Variants in RFC4 observed in about 807,000 individuals in gnomAD.
RFC4 encodes the protein A1 37 kDa subunit.
Under a neutral mutation model 47.6 loss-of-function variants are expected in RFC4, and 38 were observed. The observed-to-expected ratio is 0.80, with a 90% CI of 0.62 to 1.05. RFC4 has a LOEUF of 1.05. Among genes scored for constraint, RFC4 ranks in the 50% least tolerant of loss-of-function variants. The pLI is 0.00. For synonymous variants in RFC4, 164 were observed against 150.0 expected (o/e 1.09, Z -0.68); for missense variants, 489 against 434.0 (o/e 1.13, Z -1.13).
At chr3:186,805,004 C>A in intron 1 of RFC4, 1 of 265,958 alleles carries the variant, frequency 3.8e-6, no homozygotes, top group Non-Finnish European at 7.1e-6. Flanking sequence ...GAACAAAGAT[C>A]ATATGTCACA....
intron 7 of RFC4, 76 bp from the exon 8 acceptor site, chr3:186,791,926 A>G (rs1298740157): frequency 8.4e-6 from 11 of 1,306,804 alleles, no homozygotes; most frequent in South Asian, 2.8e-5. Context: ...AATGTTTAAT[A>G]AAAGTGAAAA....
Position 186,804,694 on chromosome 3 carries a change from C to A in RFC4, c.20G>T (p.Gly7Val), listed in dbSNP as rs1397240865. ...CGGGGGTTTAGTACTGATGGATGTACCTTTAAGAAATGCTTGCATGGTACT... is the reference window on the plus strand; with the variant it reads ...CGGGGGTTTAGTACTGATGGATGTAACTTTAAGAAATGCTTGCATGGTACT... MQAFLK[G>V]TSISTKPPLT... Residue 7 changes from glycine to valine, a missense_variant, in exon 2 of 11, where the codon GGT (glycine) becomes GTT (valine). Physicochemically the swap from Gly to Val is moderately radical, Grantham distance 109. This residue lies in a region of RFC4 where 206 missense variants were observed against 257.8 expected (regional missense o/e 0.80). Transcript: ENST00000296273. The A allele has an allele frequency of 6.2e-7, 1 of 1,613,138 alleles. No homozygotes were observed. The highest frequency in any genetic ancestry group is 2.2e-5 in the East Asian group (1 of 44,868).
chr3:186,801,122 C>T lies in RFC4; in HGVS notation c.205G>A (p.Ala69Thr), dbSNP rs201686899. The change falls in exon 3 of 11, where the codon GCA (alanine) becomes ACA (threonine). Residue 69 changes from alanine (A) to threonine (T), a missense_variant. Ala to Thr is a moderately conservative substitution (Grantham distance 58). Transcript: ENST00000296273. ...VAVLKKSLEG[A>T]DLPNLLFYGP... ...AAACACCATTTGCAACTCACATCTG[C>T]TCCTTCTAAAGATTTTTTCAGCACT... is the stretch of plus-strand genomic sequence containing the variant. The T allele has an allele frequency of 1.4e-5, 23 of 1,612,412 alleles. No individual in the cohort carries two copies. Among genetic ancestry groups the T allele is most frequent in the African/African-American group, 9.3e-5 (7 of 74,900 alleles).
intron 8 of RFC4, among the ~76,000 whole-genome samples, chr3:186,790,905 C>T (rs543685349): frequency 2.0e-5 from 3 of 149,470 alleles, no homozygotes; most frequent in African/African-American, 4.9e-5. Flanking sequence ...AGGTGAAAAA[C>T]GTCATAGAAA....
rs1323127199 is a variant in RFC4 at position 186,793,701 on chromosome 3, C to T, written c.411-754G>A. Among the ~76,000 whole-genome samples the T allele has an allele frequency of 2.7e-5, 4 of 150,602 alleles. No individual in the cohort carries two copies. Among genetic ancestry groups the T allele is most frequent in the Non-Finnish European group, 5.9e-5 (4 of 67,818 alleles). On this transcript the variant is annotated intron_variant, in intron 5 of 10. Coordinates refer to ENST00000296273, the MANE Select transcript of RFC4 (RefSeq NM_002916.5). The surrounding 1 kb of genome is among the most constrained non-coding windows in gnomAD (Gnocchi z 4.2). ...TTTTAATGTGCTTATTACACATGCA[C>T]GAAATGTCTATGCAGATCCTTTGCC...
intron 2 of RFC4, 128 bp downstream of exon 2, chr3:186,804,455 T>A: frequency 1.1e-6 from 1 of 944,608 alleles, no homozygotes. Flanking sequence ...AGTGGGTGAT[T>A]TTTTTTCAAA....
At chr3:186,804,097 C>T (rs1722421787) in intron 2 of RFC4, among the ~76,000 whole-genome samples, 1 of 152,036 alleles carries the variant, frequency 6.6e-6, no homozygotes, top group Non-Finnish European at 1.5e-5. Context: ...GCAGGATAAT[C>T]ACCTGAACCC....
intron 2 of RFC4, among the ~76,000 whole-genome samples, chr3:186,804,032 A>C (rs2108473991): frequency 6.6e-6 from 1 of 152,040 alleles, no homozygotes; most frequent in South Asian, 2.1e-4. Context: ...AAATACAAAA[A>C]ATTAGCCAGG....
intron 3 of RFC4, among the ~76,000 whole-genome samples, chr3:186,799,053 C>T (rs1722300048): frequency 6.6e-6 from 1 of 152,142 alleles, no homozygotes; most frequent in South Asian, 2.1e-4. Flanking sequence ...AAAAACCTCC[C>T]AGGCTTCTTA....
chr3:186,798,142 T>C (rs1722279306), intron 3 of RFC4, among the ~76,000 whole-genome samples: 1 of 152,088 alleles, frequency 6.6e-6, no homozygotes, highest in Non-Finnish European at 1.5e-5. Flanking sequence ...CAAAACTAGA[T>C]ATATATTAAG....
chr3:186,791,765 C>G lies in RFC4; in HGVS notation c.761G>C (p.Gly254Ala). ...FLQSATRLTG[G>A]KEITEKVITD... Reference sequence around the variant, plus strand: ...AATCACTTTCTCTGTGATCTCCTTTCCACCTGTTAATCGAGTAGCGCTTTG... The same window carrying G: ...AATCACTTTCTCTGTGATCTCCTTTGCACCTGTTAATCGAGTAGCGCTTTG... Residue 254 changes from glycine to alanine, a missense_variant, in exon 8 of 11, where the codon GGA (glycine) becomes GCA (alanine). Gly to Ala is a moderately conservative substitution (Grantham distance 60). This residue lies in a region of RFC4 where 283 missense variants were observed against 176.2 expected (regional missense o/e 1.61). Transcript: ENST00000296273. 2 of 1,611,972 alleles carry G rather than the reference C, an allele frequency of 1.2e-6. No homozygotes were observed. Among genetic ancestry groups the G allele is most frequent in the Non-Finnish European group, 1.7e-6 (2 of 1,178,030 alleles).
At chr3:186,803,748 G>C (rs780124297) in intron 2 of RFC4, among the ~76,000 whole-genome samples, 1 of 150,890 alleles carries the variant, frequency 6.6e-6, no homozygotes, top group Non-Finnish European at 1.5e-5. Context: ...CTGGCCTCAA[G>C]TGATCCTCCC....
At chr3:186,804,776 G>C (rs1033539841) in intron 1 of RFC4, 52 bp from the exon 2 acceptor site, 1 of 1,555,794 alleles carries the variant, frequency 6.4e-7, no homozygotes, top group Non-Finnish European at 8.8e-7. Flanking sequence ...CTTTTATTGC[G>C]AATCAGCACC....
chr3:186,795,046 T>C (rs266750), intron 4 of RFC4, among the ~76,000 whole-genome samples: 74,847 of 152,094 alleles, frequency 0.49, 18,600 homozygotes, highest in East Asian at 0.5. Flanking sequence ...GCTCTGTCAC[T>C]CAGGCTGGAG....
intron 3 of RFC4, 68 bp from the exon 4 acceptor site, chr3:186,797,682 A>G (rs1399251457): frequency 8.9e-7 from 1 of 1,121,588 alleles, no homozygotes. Context: ...GGAAGATCGA[A>G]AAAAATGTCT....
At chr3:186,797,766 T>G in intron 3 of RFC4, 152 bp from the exon 4 acceptor site, 2 of 544,362 alleles carry the variant, frequency 3.7e-6, no homozygotes, top group South Asian at 5.7e-5. Flanking sequence ...ATAACTGATA[T>G]CATAGTACTG....
At position 186,802,242 on chromosome 3, in the gene RFC4, T is replaced by C. The variant is rs1271913030; in HGVS notation, c.132-1047A>G. On this transcript the variant is annotated intron_variant, in intron 2 of 10. Transcript: ENST00000296273. Reference sequence around the variant, plus strand: ...GTGGTGGCACATGCCTGTAGTCCCATTTGAACCCAGGAGGCAGAAGTTGCA... The same window carrying C: ...GTGGTGGCACATGCCTGTAGTCCCACTTGAACCCAGGAGGCAGAAGTTGCA... 2.0e-5 allele frequency among the ~76,000 whole-genome samples: 3 copies of C among 151,530 alleles called. No homozygotes were observed. In the East Asian group the frequency reaches 5.8e-4, roughly 30 times the overall value.
chr3:186,792,483 TA>T lies in RFC4; in HGVS notation c.675+6del. On this transcript the variant is annotated splice_donor_region_variant and intron_variant, in intron 7 of 10. Coordinates refer to ENST00000296273, the MANE Select transcript of RFC4 (RefSeq NM_002916.5). The stretch of plus-strand genomic sequence containing the variant: ...TAACTCTAATAATTGTAATAATTAG[TA>T]ATTACCTCATCACTAATTTTGACAT... The T allele has an allele frequency of 6.2e-7, 1 of 1,607,814 alleles. No homozygotes were observed. Among genetic ancestry groups the T allele is most frequent in the Non-Finnish European group, 8.5e-7 (1 of 1,174,528 alleles).
chr3:186,803,115 G>C (rs750573369), intron 2 of RFC4, among the ~76,000 whole-genome samples: 3 of 152,192 alleles, frequency 2.0e-5, no homozygotes, highest in Non-Finnish European at 4.4e-5. Context: ...GGCCAAGGCA[G>C]GCAGATCACC....
Sources: gnomAD v4.1 joint callset for allele counts (sites outside exome capture counted in the v4.1 genomes callset) on GRCh38, gnomAD v4.1.1 for gene constraint, gnomAD v4.1.1 regional missense constraint, Gnocchi (gnomAD v3.1) non-coding constraint, MANE v1.5 for transcripts, NCBI Gene and HGNC (gene_info 2026-07-23, HGNC 2026-07-21) for gene names.